CMPK1: variants seen among roughly 807,000 people sequenced by gnomAD.
The protein encoded by CMPK1 is cytidine/uridine monophosphate kinase 1.
Under a neutral mutation model 25.7 loss-of-function variants are expected in CMPK1, and 10 were observed. The ratio of observed to expected loss-of-function variants is 0.39; its 90% confidence interval spans 0.24 to 0.66. The LOEUF (loss-of-function observed/expected upper bound fraction) is 0.66. Among genes scored for constraint, CMPK1 ranks in the 30% least tolerant of loss-of-function variants. The probability of loss-of-function intolerance (pLI) is 0.48; values close to 1 mark genes in which losing one functional copy is unlikely to be tolerated. For missense variants in CMPK1, 199 were observed against 280.5 expected, an observed-to-expected ratio of 0.71 and a Z score of 2.08; for synonymous variants, 106 against 101.5, an observed-to-expected ratio of 1.04 and a Z score of -0.27.
intron 1 of CMPK1, among the ~76,000 whole-genome samples, chr1:47,350,914 A>AG (rs1182178454): frequency 2.6e-5 from 4 of 151,862 alleles, no homozygotes; most frequent in Non-Finnish European, 5.9e-5. Flanking sequence ...TCAAAAAAAA[A>AG]AAAAGAAAAG....
chr1:47,372,417 A>G (rs1646683250), intron 2 of CMPK1, among the ~76,000 whole-genome samples: 2 of 152,132 alleles, frequency 1.3e-5, no homozygotes, highest in Admixed American at 6.6e-5. Context: ...GGTCTTTTAT[A>G]TTTGTCCAAA....
At chr1:47,368,207 T>C (rs1375483982) in intron 1 of CMPK1, among the ~76,000 whole-genome samples, 1 of 152,066 alleles carries the variant, frequency 6.6e-6, no homozygotes, top group Non-Finnish European at 1.5e-5. Flanking sequence ...GCCTCCCAAA[T>C]TGTTGGGATT....
chr1:47,374,731 T>C (rs1344226019), intron 3 of CMPK1, among the ~76,000 whole-genome samples, 178 bp from the exon 4 acceptor site: 1 of 152,246 alleles, frequency 6.6e-6, no homozygotes, highest in Non-Finnish European at 1.5e-5. Flanking sequence ...ACCTAGTTTA[T>C]ATAAATTGAA....
rs1373119682 is a variant in CMPK1, at chr1:47,378,469, C to T, written c.*1724C>T. On this transcript the variant is annotated 3_prime_UTR_variant, in exon 6 of 6. Coordinates refer to ENST00000371873, the MANE Select transcript of CMPK1 (RefSeq NM_016308.3). ...TTTATAGTGAGATTGTGAAAGCAACCTTAAAGTTTTGAAGAAGACTGATGA... is the reference window on the plus strand; with the variant it reads ...TTTATAGTGAGATTGTGAAAGCAACTTTAAAGTTTTGAAGAAGACTGATGA... 1 of 152,116 alleles carries T rather than the reference C, an allele frequency of 6.6e-6. No homozygotes were observed. The highest frequency in any genetic ancestry group is 1.5e-5 in the Non-Finnish European group (1 of 68,004). 9.4% of individuals were successfully genotyped at this position (152,116 alleles called of 1,614,324 possible). A position where few individuals can be genotyped will look rare whatever the true frequency, so the allele number is the denominator to read the frequency against.
At chr1:47,357,499 T>C (rs1057155088) in intron 1 of CMPK1, among the ~76,000 whole-genome samples, 1 of 129,944 alleles carries the variant, frequency 7.7e-6, no homozygotes, top group African/African-American at 2.8e-5. Flanking sequence ...TTTTTTTTTC[T>C]TTTGAGACGG....
intron 1 of CMPK1, among the ~76,000 whole-genome samples, chr1:47,345,281 T>G (rs1173430189): frequency 2.0e-5 from 3 of 152,008 alleles, no homozygotes; most frequent in Non-Finnish European, 4.4e-5. Context: ...TTAAAGACTC[T>G]CAAACGTTCT....
intron 2 of CMPK1, among the ~76,000 whole-genome samples, chr1:47,369,177 T>C (rs1251524574): frequency 6.6e-6 from 1 of 152,060 alleles, no homozygotes; most frequent in Non-Finnish European, 1.5e-5. Context: ...CTAATTTTTT[T>C]CTATTTTTTG....
intron 3 of CMPK1, among the ~76,000 whole-genome samples, chr1:47,373,802 G>GAA (rs566663698): frequency 7.6e-6 from 1 of 132,172 alleles, no homozygotes; most frequent in African/African-American, 2.8e-5. Context: ...TCAAAAAAAA[G>GAA]AAAAAAAAAA....
chr1:47,359,386 CTTTTT>C (rs71053107), intron 1 of CMPK1, among the ~76,000 whole-genome samples: 1 of 102,758 alleles, frequency 9.7e-6, no homozygotes, highest in Non-Finnish European at 1.8e-5. Context: ...AACCTTTTTT[CTTTTT>C]TTTTTTTTTT....
intron 1 of CMPK1, among the ~76,000 whole-genome samples, chr1:47,350,623 C>G (rs113215555): frequency 4.0e-4 from 61 of 151,954 alleles, no homozygotes; most frequent in Admixed American, 1.6e-3. Context: ...GGCCAGGTGC[C>G]GTGGCTTATG....
rs547744694 is a variant in CMPK1, at chr1:47,340,827, G to A, written c.171+6711G>A. 1.1e-3 allele frequency among the ~76,000 whole-genome samples: 166 copies of A among 152,138 alleles called. 1 individual carries two copies. The highest frequency in any genetic ancestry group is 3.9e-3 in the African/African-American group (160 of 41,520). On this transcript the variant is annotated intron_variant, in intron 1 of 5. Transcript: ENST00000371873. Reference sequence around the variant, plus strand: ...TAATTTTGTATTTTTAGTAGAGACGGGGTTTCTCCATGTTGGTCAGGCTGG... The same window carrying A: ...TAATTTTGTATTTTTAGTAGAGACGAGGTTTCTCCATGTTGGTCAGGCTGG...
chr1:47,342,830 A>G (rs113557412), intron 1 of CMPK1, among the ~76,000 whole-genome samples: 12,090 of 150,906 alleles, frequency 0.08, 1,586 homozygotes, highest in African/African-American at 0.28. Context: ...TTGTATTTTT[A>G]GTAGAGATGG....
intron 1 of CMPK1, among the ~76,000 whole-genome samples, chr1:47,352,003 G>A (rs970343569): frequency 7.2e-5 from 11 of 152,218 alleles, no homozygotes; most frequent in African/African-American, 2.2e-4. Flanking sequence ...TGGGCATGGT[G>A]TTGCACATCC....
chr1:47,370,843 C>T (rs988214302), intron 2 of CMPK1, among the ~76,000 whole-genome samples: 3 of 149,428 alleles, frequency 2.0e-5, no homozygotes, highest in African/African-American at 4.9e-5. Flanking sequence ...CCCAGCTGCT[C>T]GGGAGGCTGA....
chr1:47,358,674 AT>A, intron 1 of CMPK1: 1 of 985,876 alleles, frequency 1.0e-6, no homozygotes, highest in Non-Finnish European at 1.2e-6. Context: ...TGAGTGTGTG[AT>A]TTCATGTAAG....
intron 1 of CMPK1, among the ~76,000 whole-genome samples, chr1:47,356,769 T>C (rs1237977841): frequency 6.6e-6 from 1 of 152,120 alleles, no homozygotes; most frequent in African/African-American, 2.4e-5. Context: ...CAAGCAATTC[T>C]TGTGCCTCAG....
In CMPK1 at chr1:47,354,411, T is replaced by TA. The variant is rs1315911869; in HGVS notation, c.172-14050dup. 1.3e-4 allele frequency among the ~76,000 whole-genome samples: 20 copies of TA among 152,090 alleles called. No individual in the cohort carries two copies. In the East Asian group the frequency reaches 3.5e-3, roughly 26 times the overall value. Reference sequence around the variant, plus strand: ...AGTTTATATGTATATGTGTATATTGTAAAAAAAATTCAAACAATTTTGGAA... The same window carrying TA: ...AGTTTATATGTATATGTGTATATTGTAAAAAAAAATTCAAACAATTTTGGAA... On this transcript the variant is annotated intron_variant, in intron 1 of 5. Transcript: ENST00000371873.
At chr1:47,371,118 A>G (rs577713710) in intron 2 of CMPK1, among the ~76,000 whole-genome samples, 117 of 152,300 alleles carry the variant, frequency 7.7e-4, no homozygotes, top group African/African-American at 2.6e-3. Context: ...ATTGGGAACA[A>G]CAAGAAATGG....
intron 1 of CMPK1, among the ~76,000 whole-genome samples, chr1:47,348,459 C>A (rs559776921): frequency 3.8e-4 from 58 of 152,300 alleles, no homozygotes; most frequent in Middle Eastern, 6.8e-3. Flanking sequence ...GACAGACATA[C>A]TGTTTGCTGA....
Sources: gnomAD v4.1 joint callset for allele counts (sites outside exome capture counted in the v4.1 genomes callset) on GRCh38, gnomAD v4.1.1 for gene constraint, MANE v1.5 for transcripts, NCBI Gene and HGNC (gene_info 2026-07-23, HGNC 2026-07-21) for gene names.